ARHGAP42: variants seen among roughly 807,000 people sequenced by gnomAD.
The protein encoded by ARHGAP42 is rho GTPase-activating protein 42.
ARHGAP42 carries 63 observed loss-of-function variants against 125.0 expected under a neutral mutation model. The observed-to-expected ratio is 0.50, with a 90% CI of 0.41 to 0.62. The LOEUF (loss-of-function observed/expected upper bound fraction) is 0.62, where lower values mean the gene tolerates loss of function less well. Ranked by LOEUF, ARHGAP42 falls within the 20% of genes least tolerant of loss-of-function variation. The pLI is 0.00. For missense variants in ARHGAP42, 766 were observed against 1,024.2 expected (o/e 0.75, Z 3.44); for synonymous variants, 339 against 351.0 (o/e 0.97, Z 0.38).
chr11:100,699,978 T>A (rs1327629602), intron 1 of ARHGAP42, among the ~76,000 whole-genome samples: 1 of 152,184 alleles, frequency 6.6e-6, no homozygotes, highest in African/African-American at 2.4e-5. Context: ...GATGTATCAC[T>A]CCAATCTCTG....
chr11:100,746,388 G>C (rs1862305535), intron 1 of ARHGAP42, among the ~76,000 whole-genome samples: 1 of 152,198 alleles, frequency 6.6e-6, no homozygotes, highest in Non-Finnish European at 1.5e-5. Flanking sequence ...TAGAATCCTG[G>C]AAAAGAGCTA....
intron 4 of ARHGAP42, among the ~76,000 whole-genome samples, chr11:100,882,530 A>G (rs993766664): frequency 1.3e-5 from 2 of 149,516 alleles, no homozygotes; most frequent in African/African-American, 2.5e-5. Context: ...TTTCGTATCT[A>G]TATTCTTCAG....
Position 100,739,527 on chromosome 11 carries a change from C to T in ARHGAP42, c.155-30816C>T, listed in dbSNP as rs1381642944. Among the ~76,000 whole-genome samples, 3 of 152,112 alleles carry T rather than the reference C, an allele frequency of 2.0e-5. No homozygotes were observed. In the East Asian group the frequency reaches 5.8e-4, roughly 29 times the overall value. ...GATAAAAATACTCTAATTTGATTTA[C>T]TGAAGCAGTCAGGATGAAATATTTT... On this transcript the variant is annotated intron_variant, in intron 1 of 23. Coordinates refer to ENST00000298815, the MANE Select transcript of ARHGAP42 (RefSeq NM_152432.4).
chr11:100,743,497 G>A (rs1158875038), intron 1 of ARHGAP42, among the ~76,000 whole-genome samples: 1 of 152,058 alleles, frequency 6.6e-6, no homozygotes, highest in Non-Finnish European at 1.5e-5. Flanking sequence ...CTCTCAGAAT[G>A]CTTTCCTTCA....
chr11:100,881,086 T>A (rs1414649493), intron 4 of ARHGAP42, among the ~76,000 whole-genome samples: 1 of 152,214 alleles, frequency 6.6e-6, no homozygotes, highest in Non-Finnish European at 1.5e-5. Context: ...AGCTCTTTAG[T>A]TTAATTAAGT....
chr11:100,898,087 T>C (rs1040857231), intron 4 of ARHGAP42, among the ~76,000 whole-genome samples: 1 of 152,232 alleles, frequency 6.6e-6, no homozygotes, highest in Non-Finnish European at 1.5e-5. Context: ...TTTCTGCATC[T>C]ATGGAGATAA....
In ARHGAP42 at chr11:100,987,672, T is replaced by C; in HGVS notation, c.2536+80T>C. 2.3e-6 allele frequency: 3 copies of C among 1,330,262 alleles called. No homozygotes were observed. The South Asian group carries it at 3.8e-5, about 17-fold the overall frequency. The allele number at this position is 1,330,262 out of a possible 1,614,324, so 82.4% of individuals were successfully genotyped here. A position where few individuals can be genotyped will look rare whatever the true frequency, so the allele number is the denominator to read the frequency against. ...ATAGTATGGTGGTATGAGTCTAAAG[T>C]AGAAGCCAGAAGCCTCAGATTTTAT... On this transcript the variant is annotated intron_variant, in intron 23 of 23. Coordinates refer to ENST00000298815, the MANE Select transcript of ARHGAP42 (RefSeq NM_152432.4).
At chr11:100,895,754 C>G (rs572036797) in intron 4 of ARHGAP42, among the ~76,000 whole-genome samples, 3 of 152,006 alleles carry the variant, frequency 2.0e-5, no homozygotes, top group Non-Finnish European at 4.4e-5. Context: ...ATTTTATTCT[C>G]TATTCTTAGC....
At chr11:100,847,460 C>T (rs1014352811) in intron 3 of ARHGAP42, among the ~76,000 whole-genome samples, 7 of 152,072 alleles carry the variant, frequency 4.6e-5, no homozygotes, top group African/African-American at 9.7e-5. Flanking sequence ...TTTAAGGACC[C>T]TTGGATACTG....
chr11:100,744,963 G>A (rs185118037), intron 1 of ARHGAP42, among the ~76,000 whole-genome samples: 93 of 152,226 alleles, frequency 6.1e-4, no homozygotes, highest in African/African-American at 2.0e-3. Flanking sequence ...CTGCTGTGTC[G>A]TTCCCCTATT....
At chr11:100,943,736 C>G in intron 9 of ARHGAP42, 23 bp from the exon 10 acceptor site, 4 of 1,443,384 alleles carry the variant, frequency 2.8e-6, no homozygotes, top group Non-Finnish European at 3.8e-6. Context: ...CATGTTAATA[C>G]TGTGGTACTC....
intron 4 of ARHGAP42, among the ~76,000 whole-genome samples, chr11:100,863,446 A>G (rs1236077020): frequency 6.6e-6 from 1 of 152,182 alleles, no homozygotes; most frequent in Non-Finnish European, 1.5e-5. Flanking sequence ...ACCAGATGAT[A>G]CTACTTAACT....
chr11:100,715,048 CAAAAAAAAAAAAAAA>C (rs36017086), intron 1 of ARHGAP42, among the ~76,000 whole-genome samples: 1 of 61,898 alleles, frequency 1.6e-5, no homozygotes, highest in Non-Finnish European at 2.8e-5. Context: ...AACCCTATCT[CAAAAAAAAAAAAAAA>C]AAAAAAAAAA....
chr11:100,914,812 T>C (rs1867021803), intron 5 of ARHGAP42, among the ~76,000 whole-genome samples: 1 of 152,192 alleles, frequency 6.6e-6, no homozygotes, highest in Non-Finnish European at 1.5e-5. Context: ...CTTTATTCCT[T>C]TTCTTATTTC....
At chr11:100,772,858 A>G (rs997880368) in intron 2 of ARHGAP42, among the ~76,000 whole-genome samples, 6 of 152,204 alleles carry the variant, frequency 3.9e-5, no homozygotes, top group Non-Finnish European at 7.3e-5. Context: ...TTATTTTGAG[A>G]CAGAGTCTTG....
chr11:100,957,633 C>G (rs1218778108), intron 12 of ARHGAP42, among the ~76,000 whole-genome samples: 1 of 152,070 alleles, frequency 6.6e-6, no homozygotes, highest in Non-Finnish European at 1.5e-5. Flanking sequence ...ACAGTATATT[C>G]TTCCACATCT....
chr11:100,896,058 G>T (rs1334906716), intron 4 of ARHGAP42, among the ~76,000 whole-genome samples: 1 of 152,094 alleles, frequency 6.6e-6, no homozygotes, highest in African/African-American at 2.4e-5. Context: ...TGTTCTCATT[G>T]TTCAGTTCCC....
chr11:100,779,528 G>C (rs58051655), intron 2 of ARHGAP42, among the ~76,000 whole-genome samples: 1 of 86,278 alleles, frequency 1.2e-5, no homozygotes, highest in Non-Finnish European at 2.3e-5. Context: ...ACGTATACAT[G>C]CGTATATATA....
At chr11:100,929,146 C>T (rs907246847) in intron 6 of ARHGAP42, among the ~76,000 whole-genome samples, 35 of 152,140 alleles carry the variant, frequency 2.3e-4, no homozygotes, top group Non-Finnish European at 4.1e-4. Flanking sequence ...GGAAGGGTTT[C>T]AGGATGAACC....
Sources: gnomAD v4.1 joint callset for allele counts (sites outside exome capture counted in the v4.1 genomes callset) on GRCh38, gnomAD v4.1.1 for gene constraint, MANE v1.5 for transcripts, NCBI Gene and HGNC (gene_info 2026-07-23, HGNC 2026-07-21) for gene names.